The following SDC4 variants were observed in gnomAD, a reference collection of about 807,000 sequenced individuals.
SDC4 encodes syndecan-4.
In SDC4, 17 loss-of-function variants were observed where a neutral mutation model predicts 20.5. The observed-to-expected ratio is 0.83, with a 90% CI of 0.57 to 1.25. The LOEUF (loss-of-function observed/expected upper bound fraction) is 1.25, where lower values mean the gene tolerates loss of function less well. SDC4 is among the 50% of genes most tolerant of loss of function. The pLI is 0.00. For missense variants in SDC4, 241 were observed against 252.3 expected, an observed-to-expected ratio of 0.96 and a Z score of 0.30; for synonymous variants, 107 against 105.3, an observed-to-expected ratio of 1.02 and a Z score of -0.10.
At chr20:45,334,708 C>G (rs1167595659) in intron 2 of SDC4, among the ~76,000 whole-genome samples, 1 of 151,854 alleles carries the variant, frequency 6.6e-6, no homozygotes, top group Non-Finnish European at 1.5e-5. Flanking sequence ...AGGCTGGTCT[C>G]AAACTCCTGA....
intron 1 of SDC4, among the ~76,000 whole-genome samples, chr20:45,337,837 C>G (rs2145713773): frequency 6.6e-6 from 1 of 152,328 alleles, no homozygotes; most frequent in Middle Eastern, 3.4e-3. Context: ...ATCACTCTCT[C>G]CCGGGGAGTG....
chr20:45,325,633 C>G lies in SDC4; in HGVS notation c.*1631G>C, dbSNP rs535493798. On this transcript the variant is annotated 3_prime_UTR_variant, in exon 5 of 5. Transcript: ENST00000372733. ...TCATCAGCCCTCCCCCATTCCCCCC[C>G]CCCTACCCAGGGAGACAAGGGTCGT... 6.6e-5 allele frequency: 6 copies of G among 90,272 alleles called. No individual in the cohort carries two copies. In the South Asian group the frequency reaches 1.9e-3, roughly 29 times the overall value. 5.6% of individuals were successfully genotyped at this position (90,272 alleles called of 1,614,324 possible). A position where few individuals can be genotyped will look rare whatever the true frequency, so the allele number is the denominator to read the frequency against.
At chr20:45,328,755 A>G (rs1987732666) in intron 4 of SDC4, among the ~76,000 whole-genome samples, 3 of 152,200 alleles carry the variant, frequency 2.0e-5, no homozygotes, top group South Asian at 2.1e-4. Flanking sequence ...TATGTACACA[A>G]TGGGGACAGA....
intron 1 of SDC4, among the ~76,000 whole-genome samples, chr20:45,337,941 C>A (rs1196833930): frequency 6.6e-6 from 1 of 152,228 alleles, no homozygotes; most frequent in East Asian, 1.9e-4. Flanking sequence ...GAATCAGGAG[C>A]TGCCGGGCTG....
In SDC4 at chr20:45,335,883, A is replaced by T. The variant is rs1212516885; in HGVS notation, c.98T>A (p.Leu33Gln). 5 of 1,613,662 alleles carry T rather than the reference A, an allele frequency of 3.1e-6. No individual in the cohort carries two copies. The highest frequency in any genetic ancestry group is 4.2e-6 in the Non-Finnish European group (5 of 1,179,878). The change falls in exon 2 of 5, where the codon CTA becomes CAA. Residue 33 changes from leucine to glutamine, a missense_variant. Transcript: ENST00000372733. ...GGCTCCGGAGAAGTATCGGCCTTCTAGGAGGTCCTGGGGGTCGATGACCTC... is the reference window on the plus strand; with the variant it reads ...GGCTCCGGAGAAGTATCGGCCTTCTTGGAGGTCCTGGGGGTCGATGACCTC... ...ETEVIDPQDL[L>Q]EGRYFSGALP...
intron 1 of SDC4, among the ~76,000 whole-genome samples, chr20:45,336,795 C>G (rs1325958597): frequency 6.6e-6 from 1 of 152,058 alleles, no homozygotes; most frequent in East Asian, 1.9e-4. Flanking sequence ...GACAGGGCTG[C>G]CTCACGCACA....
chr20:45,337,672 T>C (rs1987892997), intron 1 of SDC4, among the ~76,000 whole-genome samples: 1 of 152,234 alleles, frequency 6.6e-6, no homozygotes, highest in Admixed American at 6.5e-5. Context: ...CCAGGAAAGC[T>C]GCTTCAGAGC....
chr20:45,326,619 A>T lies in SDC4; in HGVS notation c.*645T>A, dbSNP rs966674490. 3 of 152,612 alleles carry T rather than the reference A, an allele frequency of 2.0e-5. No individual in the cohort carries two copies. The highest frequency in any genetic ancestry group is 7.2e-5 in the African/African-American group (3 of 41,444). The allele number at this position is 152,612 out of a possible 1,614,324, so 9.5% of individuals were successfully genotyped here. A position where few individuals can be genotyped will look rare whatever the true frequency, so the allele number is the denominator to read the frequency against. ...AAAAACGAACAAACACTAAAAATAG[A>T]TTTACAAATATTCTATAAATCCATT... On this transcript the variant is annotated 3_prime_UTR_variant, in exon 5 of 5. Transcript: ENST00000372733.
In SDC4 at chr20:45,325,629, C is replaced by T. The variant is rs1353140304; in HGVS notation, c.*1635G>A. The stretch of plus-strand genomic sequence containing the variant: ...GGCCTCATCAGCCCTCCCCCATTCC[C>T]CCCCCCCTACCCAGGGAGACAAGGG... On this transcript the variant is annotated 3_prime_UTR_variant, in exon 5 of 5. Transcript: ENST00000372733. 2.4e-5 allele frequency: 2 copies of T among 83,054 alleles called. No homozygotes were observed. The highest frequency in any genetic ancestry group is 4.7e-5 in the Non-Finnish European group (2 of 42,308). The allele number at this position is 83,054 out of a possible 1,614,324, so 5.1% of individuals were successfully genotyped here. A position where few individuals can be genotyped will look rare whatever the true frequency, so the allele number is the denominator to read the frequency against.
Position 45,330,487 on chromosome 20 carries a change from C to A in SDC4, c.324G>T (p.Glu108Asp). ...AGATTCTCTTGGGGATAACCTCATT[C>A]TCCTCTAGTTTCTTGGGTTCGGTGG... ...QVPTEPKKLE[E>D]NEVIPKRISP... Residue 108 changes from glutamate (E) to aspartate (D), a missense_variant, in exon 4 of 5, where the codon GAG (glutamate) becomes GAT (aspartate). By Grantham distance (45) the Glu-to-Asp change is conservative (BLOSUM62 2). Transcript: ENST00000372733. 6.2e-7 allele frequency: 1 copy of A among 1,614,046 alleles called. No homozygotes were observed. The highest frequency in any genetic ancestry group is 8.5e-7 in the Non-Finnish European group (1 of 1,179,878).
At chr20:45,340,032 A>G (rs962858397) in intron 1 of SDC4, among the ~76,000 whole-genome samples, 1 of 152,220 alleles carries the variant, frequency 6.6e-6, no homozygotes, top group African/African-American at 2.4e-5. Context: ...CCTGGCTCCC[A>G]GACTGGAATT....
In SDC4 at chr20:45,330,534, C is replaced by A. The variant is rs1009426604; in HGVS notation, c.277G>T (p.Ala93Ser). The change falls in exon 4 of 5, where the codon GCA becomes TCA. Residue 93 changes from alanine (A) to serine (S), a missense_variant. Transcript: ENST00000372733. ...VPLDNHIPER[A>S]GSGSQVPTEP... ...GTGGGGACTTGGCTCCCAGACCCTG[C>A]CCTCTCAGGGATATGGTTATCTAGA... is the stretch of plus-strand genomic sequence containing the variant. 1 of 1,614,112 alleles carries A rather than the reference C, an allele frequency of 6.2e-7. No homozygotes were observed. Among genetic ancestry groups the A allele is most frequent in the East Asian group, 2.2e-5 (1 of 44,886 alleles).
chr20:45,342,111 C>T (rs899111411), intron 1 of SDC4, among the ~76,000 whole-genome samples: 1 of 152,202 alleles, frequency 6.6e-6, no homozygotes, highest in African/African-American at 2.4e-5. Context: ...GATCCGAAAT[C>T]CCTGCTGGAT....
In SDC4 at chr20:45,330,406, C is replaced by T; in HGVS notation, c.405G>A (p.Val135=). 6.2e-7 allele frequency: 1 copy of T among 1,614,236 alleles called. No homozygotes were observed. The part of the protein sequence containing the change: ...VSNKVSMSST[V]QGSNIFERTE... ...TTCTCTCAAAGATGTTGCTGCCCTG[C>T]ACAGTGCTGGACATTGACACCTTGT... The change falls in exon 4 of 5, where the codon GTG becomes GTA. Residue 135 remains valine, a synonymous_variant. Coordinates refer to ENST00000372733, the MANE Select transcript of SDC4 (RefSeq NM_002999.4).
At chr20:45,346,756 A>G (rs1168211352) in intron 1 of SDC4, among the ~76,000 whole-genome samples, 2 of 152,190 alleles carry the variant, frequency 1.3e-5, no homozygotes, top group Admixed American at 6.5e-5. Context: ...AGGTTAAGTC[A>G]TCACCTCACT....
At chr20:45,333,000 G>C in intron 3 of SDC4, 23 bp downstream of exon 3, 1 of 1,612,292 alleles carries the variant, frequency 6.2e-7, no homozygotes, top group African/African-American at 1.3e-5. Context: ...AAGTGGAAGA[G>C]GCAGAAGCAT....
chr20:45,344,778 G>A (rs1988007470), intron 1 of SDC4, among the ~76,000 whole-genome samples: 1 of 152,168 alleles, frequency 6.6e-6, no homozygotes, highest in Admixed American at 6.5e-5. Flanking sequence ...GGCTCTCTGG[G>A]CAGGAAGGAC....
Position 45,327,005 on chromosome 20 carries a change from G to C in SDC4, c.*259C>G. On this transcript the variant is annotated 3_prime_UTR_variant, in exon 5 of 5. Coordinates refer to ENST00000372733, the MANE Select transcript of SDC4 (RefSeq NM_002999.4). ...AGATTCTTAACTGGAAGTTTAAGAA[G>C]TGATCCAATCCCAGTCTTGCCTTCA... 1 of 421,968 alleles carries C rather than the reference G, an allele frequency of 2.4e-6. No individual in the cohort carries two copies. The highest frequency in any genetic ancestry group is 3.8e-5 in the East Asian group (1 of 26,570). The allele number at this position is 421,968 out of a possible 1,614,324, so 26.1% of individuals were successfully genotyped here.
At chr20:45,329,304 C>T (rs901014713) in intron 4 of SDC4, among the ~76,000 whole-genome samples, 1 of 152,258 alleles carries the variant, frequency 6.6e-6, no homozygotes, top group Non-Finnish European at 1.5e-5. Context: ...GGGCCTCAGT[C>T]TCCCCATGTA....
Sources: allele counts gnomAD v4.1 joint callset (sites outside exome capture counted in the v4.1 genomes callset), GRCh38; gene constraint gnomAD v4.1.1; transcripts MANE v1.5; gene names NCBI Gene and HGNC (gene_info 2026-07-23, HGNC 2026-07-21).